ARHGAP15: variants seen among roughly 807,000 people sequenced by gnomAD.
ARHGAP15 encodes the protein rho GTPase-activating protein 15.
ARHGAP15 carries 51 observed loss-of-function variants against 63.7 expected under a neutral mutation model. The ratio of observed to expected loss-of-function variants is 0.80; its 90% CI spans 0.64 to 1.01. The LOEUF (loss-of-function observed/expected upper bound fraction) is 1.01, where lower values mean the gene tolerates loss of function less well. Among genes scored for constraint, ARHGAP15 ranks in the 50% least tolerant of loss-of-function variants. The pLI, the probability that ARHGAP15 is intolerant of heterozygous loss-of-function variation, is 0.00. For synonymous variants in ARHGAP15, 191 were observed against 193.8 expected (o/e 0.99, Z 0.12); for missense variants, 560 against 564.6 (o/e 0.99, Z 0.08).
intron 6 of ARHGAP15, among the ~76,000 whole-genome samples, chr2:143,275,340 C>T (rs550205620): frequency 7.9e-5 from 12 of 152,178 alleles, no homozygotes; most frequent in Admixed American, 3.3e-4. Flanking sequence ...CACACCATCA[C>T]GGAACTATTG....
rs189731865 is a variant in ARHGAP15, at chr2:143,229,927, A to G, written c.384+1259A>G. ...TGTCCGATCTGTAAACTAATTATGAATAAATTAAAAATATATCTCAGTCCT... is the reference window on the plus strand; with the variant it reads ...TGTCCGATCTGTAAACTAATTATGAGTAAATTAAAAATATATCTCAGTCCT... On this transcript the variant is annotated intron_variant, in intron 5 of 13. Coordinates refer to ENST00000295095, the MANE Select transcript of ARHGAP15 (RefSeq NM_018460.4). 1.3e-5 allele frequency among the ~76,000 whole-genome samples: 2 copies of G among 152,206 alleles called. 1 individual carries two copies. Among genetic ancestry groups the G allele is most frequent in the East Asian group, 3.8e-4 (2 of 5,204 alleles).
At chr2:143,134,825 G>A (rs1324453997) in intron 1 of ARHGAP15, among the ~76,000 whole-genome samples, 2 of 151,824 alleles carry the variant, frequency 1.3e-5, no homozygotes, top group East Asian at 1.9e-4. Flanking sequence ...TTTTAGTAGA[G>A]TCGGGGTTTC....
chr2:143,588,434 G>A (rs1473887862), intron 11 of ARHGAP15, among the ~76,000 whole-genome samples: 1 of 152,036 alleles, frequency 6.6e-6, no homozygotes, highest in Non-Finnish European at 1.5e-5. Flanking sequence ...GTATACATGT[G>A]CCATGGTGGT....
intron 6 of ARHGAP15, among the ~76,000 whole-genome samples, chr2:143,338,290 G>A (rs942639595): frequency 6.6e-6 from 1 of 152,156 alleles, no homozygotes; most frequent in African/African-American, 2.4e-5. Context: ...ACATAGAGCT[G>A]TATATTTCAT....
chr2:143,564,437 T>TTA (rs1696144254), intron 11 of ARHGAP15, among the ~76,000 whole-genome samples: 2 of 152,134 alleles, frequency 1.3e-5, no homozygotes, highest in African/African-American at 2.4e-5. Context: ...TTTTTGAAGC[T>TTA]CATTCATTAA....
At chr2:143,532,323 T>A (rs763281242) in intron 10 of ARHGAP15, among the ~76,000 whole-genome samples, 2 of 152,194 alleles carry the variant, frequency 1.3e-5, no homozygotes, top group Admixed American at 1.3e-4. Context: ...CAAGACTGAC[T>A]TGGAACACTG....
intron 8 of ARHGAP15, among the ~76,000 whole-genome samples, chr2:143,487,028 C>T (rs1330086722): frequency 6.6e-6 from 1 of 152,172 alleles, no homozygotes; most frequent in Non-Finnish European, 1.5e-5. Context: ...AAAGAGTTGT[C>T]TCCTGTAGTT....
chr2:143,605,983 C>T (rs1280992013), intron 11 of ARHGAP15, among the ~76,000 whole-genome samples: 5 of 121,442 alleles, frequency 4.1e-5, no homozygotes, highest in Non-Finnish European at 6.4e-5. Context: ...TTGCAGTGAG[C>T]GGAGATGGTG....
intron 6 of ARHGAP15, among the ~76,000 whole-genome samples, chr2:143,282,685 T>A (rs568350726): frequency 6.6e-6 from 1 of 152,242 alleles, no homozygotes; most frequent in South Asian, 2.1e-4. Flanking sequence ...TTGCTCCATC[T>A]TAAACGTGAG....
chr2:143,276,054 T>C (rs557508534), intron 6 of ARHGAP15, among the ~76,000 whole-genome samples: 20 of 152,232 alleles, frequency 1.3e-4, no homozygotes, highest in Non-Finnish European at 2.5e-4. Context: ...TTGACTTCCA[T>C]AGCGAGAATC....
intron 1 of ARHGAP15, 150 bp from the exon 2 acceptor site, chr2:143,155,327 A>C (rs1188653048): frequency 1.2e-5 from 8 of 682,366 alleles, no homozygotes; most frequent in Non-Finnish European, 1.8e-5. Flanking sequence ...TAACTTACAA[A>C]GGAACTACTT....
chr2:143,310,222 ACAG>A (rs1329837353), intron 6 of ARHGAP15, among the ~76,000 whole-genome samples: 1 of 152,082 alleles, frequency 6.6e-6, no homozygotes, highest in Admixed American at 6.6e-5. Context: ...AGAATGAAAA[ACAG>A]CACTGTAATA....
At chr2:143,413,618 A>G (rs1466323218) in intron 6 of ARHGAP15, among the ~76,000 whole-genome samples, 1 of 152,142 alleles carries the variant, frequency 6.6e-6, no homozygotes, top group Admixed American at 6.5e-5. Flanking sequence ...CTACAGCTGT[A>G]AGCCACCACA....
chr2:143,271,538 C>T (rs1438085364), intron 6 of ARHGAP15, among the ~76,000 whole-genome samples: 1 of 152,214 alleles, frequency 6.6e-6, no homozygotes, highest in Admixed American at 6.5e-5. Context: ...TGCAGTGGCG[C>T]GATCTCGTCT....
At chr2:143,229,648 C>T (rs1229020244) in intron 5 of ARHGAP15, among the ~76,000 whole-genome samples, 3 of 152,110 alleles carry the variant, frequency 2.0e-5, no homozygotes, top group African/African-American at 4.8e-5. Context: ...GGAAAGGGGT[C>T]GCCTGGCAGG....
chr2:143,204,870 A>G (rs913767139), intron 3 of ARHGAP15, among the ~76,000 whole-genome samples: 3 of 151,964 alleles, frequency 2.0e-5, no homozygotes, highest in African/African-American at 7.2e-5. Context: ...TGGATATCTC[A>G]TATGTTCCTC....
intron 1 of ARHGAP15, among the ~76,000 whole-genome samples, chr2:143,130,602 T>G (rs532451708): frequency 6.6e-6 from 1 of 152,140 alleles, no homozygotes; most frequent in Admixed American, 6.5e-5. Flanking sequence ...TTTGACATGG[T>G]CAATTTAGTA....
At position 143,684,707 on chromosome 2, in the gene ARHGAP15, G is replaced by A. The variant is rs9653185; in HGVS notation, c.1139-18712G>A. Among the ~76,000 whole-genome samples the A allele has an allele frequency of 4.3e-3, 651 of 152,216 alleles. 8 individuals carry two copies. The highest frequency in any genetic ancestry group is 0.015 in the African/African-American group (610 of 41,520). On this transcript the variant is annotated intron_variant, in intron 12 of 13. Coordinates refer to ENST00000295095, the MANE Select transcript of ARHGAP15 (RefSeq NM_018460.4). ...ATGCATGTTGTTTTGCAAGCTAACC[G>A]GTTAAATATGGCTTTGCTTTAAGAT...
intron 6 of ARHGAP15, among the ~76,000 whole-genome samples, chr2:143,314,881 A>G (rs1200162473): frequency 6.6e-6 from 1 of 152,220 alleles, no homozygotes; most frequent in Non-Finnish European, 1.5e-5. Flanking sequence ...AAACACTTTG[A>G]CAAATCAATT....
Sources: gnomAD v4.1 joint callset for allele counts (sites outside exome capture counted in the v4.1 genomes callset) on GRCh38, gnomAD v4.1.1 for gene constraint, MANE v1.5 for transcripts, NCBI Gene and HGNC (gene_info 2026-07-23, HGNC 2026-07-21) for gene names.